SEMA5A: variants seen among roughly 807,000 people sequenced by gnomAD.
SEMA5A encodes semaphorin-5A.
Under a neutral mutation model 135.5 loss-of-function variants are expected in SEMA5A, and 55 were observed. The ratio of observed to expected loss-of-function variants is 0.41; its 90% CI spans 0.33 to 0.51. The LOEUF (loss-of-function observed/expected upper bound fraction) is 0.51, where lower values mean the gene tolerates loss of function less well. Ranked by LOEUF, SEMA5A falls within the 20% of genes least tolerant of loss-of-function variation. The pLI is 0.37. For missense variants in SEMA5A, 1,290 were observed against 1,419.9 expected (o/e 0.91, Z 1.47); for synonymous variants, 580 against 546.5 (o/e 1.06, Z -0.85).
intron 18 of SEMA5A, among the ~76,000 whole-genome samples, chr5:9,060,562 CT>C (rs1292751551): frequency 6.6e-6 from 1 of 152,044 alleles, no homozygotes; most frequent in Non-Finnish European, 1.5e-5. Context: ...ACTCCTTTTA[CT>C]GGGGCTGTGG....
chr5:9,329,631 TCA>T (rs1753029500), intron 4 of SEMA5A, among the ~76,000 whole-genome samples: 3 of 152,254 alleles, frequency 2.0e-5, no homozygotes, highest in Non-Finnish European at 2.9e-5. Context: ...AGAAAAGCTC[TCA>T]ATACTCAGTC....
At chr5:9,376,319 C>T (rs1186145092) in intron 3 of SEMA5A, among the ~76,000 whole-genome samples, 1 of 152,154 alleles carries the variant, frequency 6.6e-6, no homozygotes, top group Non-Finnish European at 1.5e-5. Flanking sequence ...TGCCAGGACC[C>T]GCAATGCTCC....
intron 5 of SEMA5A, among the ~76,000 whole-genome samples, chr5:9,239,782 G>A (rs1275582592): frequency 6.6e-6 from 1 of 151,954 alleles, no homozygotes; most frequent in Non-Finnish European, 1.5e-5. Context: ...ACTATACAGT[G>A]AAATACTTTA....
chr5:9,086,676 G>A (rs530566393), intron 16 of SEMA5A, among the ~76,000 whole-genome samples: 2 of 152,284 alleles, frequency 1.3e-5, no homozygotes, highest in South Asian at 2.1e-4. Flanking sequence ...AGCAACATTA[G>A]CCAGGAGCTT....
chr5:9,178,216 T>C (rs1375047795), intron 11 of SEMA5A, among the ~76,000 whole-genome samples: 1 of 152,196 alleles, frequency 6.6e-6, no homozygotes, highest in African/African-American at 2.4e-5. Flanking sequence ...TCAGAATATG[T>C]TGAACAAAGG....
At chr5:9,502,182 C>T (rs1735632327) in intron 1 of SEMA5A, among the ~76,000 whole-genome samples, 2 of 152,186 alleles carry the variant, frequency 1.3e-5, no homozygotes, top group South Asian at 2.1e-4. Context: ...GGAAACACAA[C>T]ACATTCCTGT....
chr5:9,436,798 C>T (rs1758048599), intron 2 of SEMA5A, among the ~76,000 whole-genome samples: 1 of 152,208 alleles, frequency 6.6e-6, no homozygotes, highest in Non-Finnish European at 1.5e-5. Context: ...AGTCCTCTAT[C>T]CCCCTTCACC....
At chr5:9,418,510 T>C (rs1382207673) in intron 2 of SEMA5A, among the ~76,000 whole-genome samples, 2 of 152,230 alleles carry the variant, frequency 1.3e-5, no homozygotes, top group Non-Finnish European at 2.9e-5. Context: ...CATCAGCATT[T>C]GGTTCCAGCT....
chr5:9,077,127 C>G (rs1299881293), intron 16 of SEMA5A, among the ~76,000 whole-genome samples: 1 of 152,134 alleles, frequency 6.6e-6, no homozygotes, highest in East Asian at 1.9e-4. Flanking sequence ...ATCCAATCCT[C>G]TGCAAAACAT....
At chr5:9,217,051 G>C (rs1261488860) in intron 8 of SEMA5A, among the ~76,000 whole-genome samples, 2 of 152,142 alleles carry the variant, frequency 1.3e-5, no homozygotes, top group African/African-American at 4.8e-5. Context: ...ATGTTGGCTT[G>C]CTTGTGTGGT....
chr5:9,490,485 C>T (rs1018052577), intron 1 of SEMA5A, among the ~76,000 whole-genome samples: 5 of 152,104 alleles, frequency 3.3e-5, no homozygotes, highest in Admixed American at 6.6e-5. Context: ...TAAAATTATG[C>T]TTTGGCTATC....
chr5:9,526,343 T>C (rs1200671024), intron 1 of SEMA5A, among the ~76,000 whole-genome samples: 2 of 152,228 alleles, frequency 1.3e-5, no homozygotes, highest in African/African-American at 4.8e-5. Context: ...GCTAAATAGA[T>C]ATGTGCATGT....
rs1806151 is a variant in SEMA5A, at chr5:9,154,547, G to C, written c.1422C>G (p.Gly474=). ...GGATCTTGACCACGTGCTCCCGCAG[G>C]CCCACGAACAGGACACTCTGGCTGT... ...ILHSQSVLFV[G]LREHVVKIPL... is the part of the protein sequence containing the mutation. The change falls in exon 12 of 23, where the codon GGC becomes GGG. Residue 474 remains glycine, a synonymous_variant. Transcript: ENST00000382496. 0.5 allele frequency: 800,320 copies of C among 1,612,488 alleles called. 211,362 individuals are homozygous for C. Among genetic ancestry groups the C allele is most frequent in the Non-Finnish European group, 0.55 (653,032 of 1,179,826 alleles).
Position 9,042,496 on chromosome 5 carries a change from G to T in SEMA5A, c.*401C>A, listed in dbSNP as rs1000135298. ...GACCTATGCACTTCTTGTGGAAGGAGCAGGTCTTTCAGAGAAAGTGCCTAT... is the reference window on the plus strand; with the variant it reads ...GACCTATGCACTTCTTGTGGAAGGATCAGGTCTTTCAGAGAAAGTGCCTAT... On this transcript the variant is annotated 3_prime_UTR_variant, in exon 23 of 23. Transcript: ENST00000382496. 1 of 228,298 alleles carries T rather than the reference G, an allele frequency of 4.4e-6. No individual in the cohort carries two copies. Among genetic ancestry groups the T allele is most frequent in the Non-Finnish European group, 8.5e-6 (1 of 117,624 alleles). 14.1% of individuals were successfully genotyped at this position (228,298 alleles called of 1,614,324 possible).
At chr5:9,248,001 A>T (rs1271744889) in intron 5 of SEMA5A, among the ~76,000 whole-genome samples, 2 of 152,184 alleles carry the variant, frequency 1.3e-5, no homozygotes, top group East Asian at 3.8e-4. Flanking sequence ...TATTAAATCA[A>T]ATAAATAATT....
rs773699281 is a variant in SEMA5A, at chr5:9,204,259, C to T, written c.647-2019G>A. Among the ~76,000 whole-genome samples, 9 of 152,202 alleles carry T rather than the reference C, an allele frequency of 5.9e-5. No individual in the cohort carries two copies. ...AAATGTGGAAAACAAAGAGAGAAGG[C>T]GTAAGGGTCCAAGTGTGTCTAGCCC... On this transcript the variant is annotated intron_variant, in intron 8 of 22. Coordinates refer to ENST00000382496, the MANE Select transcript of SEMA5A (RefSeq NM_003966.3). This position sits in a 1 kb window ranked among gnomAD's most constrained non-coding sequence, Gnocchi z 6.4.
At chr5:9,228,528 A>G (rs113075952) in intron 6 of SEMA5A, among the ~76,000 whole-genome samples, 1,736 of 152,312 alleles carry the variant, frequency 0.011, 21 homozygotes, top group South Asian at 0.034. Flanking sequence ...GAGCCATTAC[A>G]TGTTTTGACT....
intron 4 of SEMA5A, among the ~76,000 whole-genome samples, chr5:9,329,264 G>C (rs1333352164): frequency 6.6e-6 from 1 of 152,098 alleles, no homozygotes; most frequent in Non-Finnish European, 1.5e-5. Flanking sequence ...CATACTTTTT[G>C]TTTTGGGGCC....
chr5:9,057,593 G>A (rs1218222557), intron 18 of SEMA5A, among the ~76,000 whole-genome samples: 3 of 152,178 alleles, frequency 2.0e-5, no homozygotes, highest in African/African-American at 4.8e-5. Flanking sequence ...TTGAATAACC[G>A]TTTAAGAGAG....
Sources: gnomAD v4.1 joint callset for allele counts (sites outside exome capture counted in the v4.1 genomes callset) on GRCh38, gnomAD v4.1.1 for gene constraint, Gnocchi (gnomAD v3.1) non-coding constraint, MANE v1.5 for transcripts, NCBI Gene and HGNC (gene_info 2026-07-23, HGNC 2026-07-21) for gene names.